The following NRG1 variants were observed in gnomAD, a reference collection of about 807,000 sequenced individuals.
NRG1 encodes neuregulin 1.
In NRG1, 18 loss-of-function variants were observed where a neutral mutation model predicts 63.8. The ratio of observed to expected loss-of-function variants is 0.28; its 90% CI spans 0.19 to 0.42. The LOEUF is 0.42. Ranked by LOEUF, NRG1 falls within the 10% of genes least tolerant of loss-of-function variation. The probability of loss-of-function intolerance (pLI) is 1.00; values close to 1 mark genes in which losing one functional copy is unlikely to be tolerated. For missense variants in NRG1, 762 were observed against 814.7 expected (o/e 0.94, Z 0.79); for synonymous variants, 302 against 301.3 (o/e 1.00, Z -0.02).
At chr8:31,808,148 T>C (rs1822480398) in intron 1 of NRG1, among the ~76,000 whole-genome samples, 1 of 152,134 alleles carries the variant, frequency 6.6e-6, no homozygotes, top group East Asian at 1.9e-4. Flanking sequence ...TTTTATGATT[T>C]TTTTGCTATT....
At chr8:32,093,069 CAG>C (rs1216453758) in intron 1 of NRG1, among the ~76,000 whole-genome samples, 2 of 152,148 alleles carry the variant, frequency 1.3e-5, no homozygotes, top group East Asian at 3.9e-4. Flanking sequence ...AAAGAGAGAT[CAG>C]ACTGTTATTG....
At chr8:32,009,316 G>A (rs572095608) in intron 1 of NRG1, among the ~76,000 whole-genome samples, 3 of 151,850 alleles carry the variant, frequency 2.0e-5, no homozygotes, top group South Asian at 4.1e-4. Context: ...TGATTTTAAG[G>A]TATATTCCAT....
At chr8:32,307,008 A>G (rs1856264472) in intron 1 of NRG1, among the ~76,000 whole-genome samples, 1 of 152,200 alleles carries the variant, frequency 6.6e-6, no homozygotes, top group Non-Finnish European at 1.5e-5. Context: ...TTCCCAGATA[A>G]GGAGGTTGTC....
At chr8:31,975,752 G>C (rs1339358807) in intron 1 of NRG1, among the ~76,000 whole-genome samples, 2 of 152,224 alleles carry the variant, frequency 1.3e-5, no homozygotes, top group East Asian at 1.9e-4. Flanking sequence ...GGATACCTCT[G>C]TGTCCCTGTA....
At chr8:32,365,680 T>C (rs959211229) in intron 1 of NRG1, among the ~76,000 whole-genome samples, 40 of 152,204 alleles carry the variant, frequency 2.6e-4, no homozygotes, top group African/African-American at 9.7e-4. Flanking sequence ...TACTCAACTC[T>C]GGCCTTGGGC....
intron 5 of NRG1, among the ~76,000 whole-genome samples, chr8:32,651,021 C>T (rs1408290201): frequency 6.6e-6 from 1 of 152,092 alleles, no homozygotes; most frequent in Non-Finnish European, 1.5e-5. Context: ...CAGCGTTGCT[C>T]CCCAAACCAA....
chr8:32,459,482 A>C (rs1019768775), intron 1 of NRG1, among the ~76,000 whole-genome samples: 1 of 151,744 alleles, frequency 6.6e-6, no homozygotes, highest in African/African-American at 2.4e-5. Context: ...TCTTTGATGT[A>C]TGATTTAGCC....
intron 1 of NRG1, among the ~76,000 whole-genome samples, chr8:31,927,552 C>T (rs1313722158): frequency 1.4e-5 from 2 of 146,780 alleles, no homozygotes; most frequent in Non-Finnish European, 3.0e-5. Context: ...GGGTTCACGC[C>T]ATTCTCCTGC....
intron 1 of NRG1, among the ~76,000 whole-genome samples, chr8:32,466,836 T>C (rs1191484532): frequency 6.6e-6 from 1 of 152,116 alleles, no homozygotes; most frequent in East Asian, 1.9e-4. Flanking sequence ...GTAACTCCTC[T>C]ATTCATATAA....
chr8:32,159,095 G>C (rs1838509378), intron 1 of NRG1, among the ~76,000 whole-genome samples: 1 of 152,110 alleles, frequency 6.6e-6, no homozygotes, highest in African/African-American at 2.4e-5. Flanking sequence ...CTTTTGAGTT[G>C]ACTAAAGAGT....
At chr8:32,462,795 G>A (rs909429616) in intron 1 of NRG1, among the ~76,000 whole-genome samples, 1 of 151,632 alleles carries the variant, frequency 6.6e-6, no homozygotes, top group Non-Finnish European at 1.5e-5. Context: ...GTAGAGACAG[G>A]GTTTCACCAT....
At chr8:32,608,107 GTTTTTTT>G (rs1224928528) in intron 3 of NRG1, among the ~76,000 whole-genome samples, 6 of 104,802 alleles carry the variant, frequency 5.7e-5, no homozygotes, top group South Asian at 3.4e-4. Context: ...TTTTTTTTTT[GTTTTTTT>G]TTTTTTTTGC....
chr8:32,224,155 G>A (rs1304983304), intron 1 of NRG1, among the ~76,000 whole-genome samples: 1 of 152,126 alleles, frequency 6.6e-6, no homozygotes, highest in African/African-American at 2.4e-5. Context: ...AACTGAAGGA[G>A]GAAGAGTCTG....
At chr8:32,040,698 T>C (rs1819814120) in intron 1 of NRG1, among the ~76,000 whole-genome samples, 1 of 99,888 alleles carries the variant, frequency 1.0e-5, no homozygotes, top group Non-Finnish European at 2.1e-5. Context: ...TAAATTTAGT[T>C]CTGAAATTTA....
chr8:32,371,210 T>C (rs1808803371), intron 1 of NRG1, among the ~76,000 whole-genome samples: 1 of 152,120 alleles, frequency 6.6e-6, no homozygotes, highest in Non-Finnish European at 1.5e-5. Flanking sequence ...GAACACTGTC[T>C]CAAAACAAAA....
chr8:32,415,981 G>GA (rs1815857205), intron 1 of NRG1, among the ~76,000 whole-genome samples: 1 of 152,190 alleles, frequency 6.6e-6, no homozygotes. Flanking sequence ...GTAGGAAAAG[G>GA]ATAGGAATGA....
At chr8:32,135,841 A>C (rs553170712) in intron 1 of NRG1, among the ~76,000 whole-genome samples, 1 of 152,228 alleles carries the variant, frequency 6.6e-6, no homozygotes, top group South Asian at 2.1e-4. Flanking sequence ...ATGAAAGAGA[A>C]GGACAGAGCC....
intron 1 of NRG1, among the ~76,000 whole-genome samples, chr8:32,321,960 C>T (rs1352523786): frequency 2.0e-5 from 3 of 151,780 alleles, no homozygotes; most frequent in African/African-American, 7.3e-5. Context: ...GCCCAAAGGT[C>T]TTCATTTAGT....
chr8:32,653,792 A>G (rs1855675776), intron 5 of NRG1, among the ~76,000 whole-genome samples: 1 of 152,196 alleles, frequency 6.6e-6, no homozygotes, highest in Non-Finnish European at 1.5e-5. Context: ...TGTACGGACA[A>G]AGACTAGAAT....
Sources: gnomAD v4.1 joint callset for allele counts (sites outside exome capture counted in the v4.1 genomes callset) on GRCh38, gnomAD v4.1.1 for gene constraint, MANE v1.5 for transcripts, NCBI Gene and HGNC (gene_info 2026-07-23, HGNC 2026-07-21) for gene names.